COL11A1: variants seen among roughly 807,000 people sequenced by gnomAD.
COL11A1 encodes collagen type XI alpha 1 chain, also known as collagen alpha-1(XI) chain.
COL11A1 carries 74 observed loss-of-function variants against 265.2 expected under a neutral mutation model. The observed-to-expected ratio is 0.28, with a 90% CI of 0.23 to 0.34. The LOEUF is 0.34. Among genes scored for constraint, COL11A1 ranks in the 10% least tolerant of loss-of-function variants. The probability of loss-of-function intolerance (pLI) is 1.00; values close to 1 mark genes in which losing one functional copy is unlikely to be tolerated. For synonymous variants in COL11A1, 816 were observed against 727.6 expected (o/e 1.12, Z -1.96); for missense variants, 2,165 against 2,263.6 (o/e 0.96, Z 0.88).
intron 31 of COL11A1, among the ~76,000 whole-genome samples, chr1:102,979,902 A>G (rs761911916): frequency 3.3e-5 from 5 of 152,148 alleles, no homozygotes; most frequent in Non-Finnish European, 7.4e-5. Flanking sequence ...GAGTATTTTT[A>G]CACTTTTAAA....
chr1:102,904,305 T>C (rs1460660583), intron 54 of COL11A1, among the ~76,000 whole-genome samples: 1 of 152,150 alleles, frequency 6.6e-6, no homozygotes, highest in African/African-American at 2.4e-5. Context: ...ATTCAGGACA[T>C]AGGCATGGGC....
chr1:103,001,681 A>G (rs1665120072), intron 24 of COL11A1: 5 of 560,164 alleles, frequency 8.9e-6, no homozygotes, highest in African/African-American at 1.9e-5. Flanking sequence ...CCTGAAATTA[A>G]CATAGCTGAG....
chr1:103,083,067 C>T (rs2102325308), intron 1 of COL11A1, 95 bp from the exon 2 acceptor site: 1 of 1,223,544 alleles, frequency 8.2e-7, no homozygotes, highest in Non-Finnish European at 1.2e-6. Flanking sequence ...CATTTCATAC[C>T]TTGAATCTAT....
rs181551026 is a variant in COL11A1, at chr1:102,974,758, A to G, written c.2808+72T>C. ...CAATATTATATCTAACAAATATATAAATGTAAGCTGTGACTCTCAAAAATG... is the reference window on the plus strand; with the variant it reads ...CAATATTATATCTAACAAATATATAGATGTAAGCTGTGACTCTCAAAAATG... On this transcript the variant is annotated intron_variant, in intron 36 of 66. Coordinates refer to ENST00000370096, the MANE Select transcript of COL11A1 (RefSeq NM_001854.4). 6.0e-4 allele frequency: 680 copies of G among 1,131,074 alleles called. 4 individuals are homozygous for G. The African/African-American group carries it at 6.2e-3, about 10-fold the overall frequency. 70.1% of individuals were successfully genotyped at this position (1,131,074 alleles called of 1,614,324 possible). A position where few individuals can be genotyped will look rare whatever the true frequency, so the allele number is the denominator to read the frequency against.
intron 42 of COL11A1, among the ~76,000 whole-genome samples, chr1:102,943,764 T>C (rs1201071468): frequency 6.6e-6 from 1 of 152,146 alleles, no homozygotes; most frequent in South Asian, 2.1e-4. Flanking sequence ...CAAACTGCTA[T>C]TGCCTAATTC....
rs763586671 is a variant in COL11A1 at position 103,082,842 on chromosome 1, T to C, written c.237A>G (p.Gln79=). 1.9e-6 allele frequency: 3 copies of C among 1,613,746 alleles called. No homozygotes were observed. The highest frequency in any genetic ancestry group is 2.5e-6 in the Non-Finnish European group (3 of 1,179,736). The change falls in exon 2 of 67, where the codon CAA becomes CAG. Residue 79 remains glutamine, a synonymous_variant. Coordinates refer to ENST00000370096, the MANE Select transcript of COL11A1 (RefSeq NM_001854.4). Reference sequence around the variant, plus strand: ...GTTTTGTTGGGGCACTGAGTTGTGCTTGCTTTGAAACTCTGTAAGCAGTAT... The same window carrying C: ...GTTTTGTTGGGGCACTGAGTTGTGCCTGCTTTGAAACTCTGTAAGCAGTAT... ...GSDTAYRVSK[Q]AQLSAPTKQL...
At chr1:103,037,765 T>C (rs1399238040) in intron 4 of COL11A1, among the ~76,000 whole-genome samples, 3 of 152,182 alleles carry the variant, frequency 2.0e-5, no homozygotes, top group Admixed American at 2.0e-4. Flanking sequence ...ATCTAAACTT[T>C]TAATATTAAC....
At chr1:103,003,127 T>C (rs1175217002) in intron 21 of COL11A1, 88 bp downstream of exon 21, 4 of 1,325,330 alleles carry the variant, frequency 3.0e-6, no homozygotes, top group Non-Finnish European at 4.3e-6. Flanking sequence ...AATAAACTCT[T>C]GGCTCTCTAC....
chr1:103,098,902 A>T (rs1674006536), intron 1 of COL11A1, among the ~76,000 whole-genome samples: 1 of 151,794 alleles, frequency 6.6e-6, no homozygotes, highest in African/African-American at 2.4e-5. Context: ...CAAAATAGAG[A>T]CTGATAGTCT....
chr1:102,913,734 C>T (rs1654978258), intron 52 of COL11A1, 44 bp from the exon 53 acceptor site: 3 of 1,534,218 alleles, frequency 2.0e-6, no homozygotes, highest in African/African-American at 1.4e-5. Context: ...ATCTCAGTAT[C>T]AATAAATCAC....
intron 60 of COL11A1, 45 bp downstream of exon 60, chr1:102,888,821 T>A: frequency 6.2e-7 from 1 of 1,612,818 alleles, no homozygotes; most frequent in Non-Finnish European, 8.5e-7. Flanking sequence ...CTGTTATATT[T>A]GTAACTTAAC....
At chr1:103,016,574 C>A (rs934112491) in intron 11 of COL11A1, among the ~76,000 whole-genome samples, 1 of 151,636 alleles carries the variant, frequency 6.6e-6, no homozygotes, top group African/African-American at 2.4e-5. Flanking sequence ...CAAGTAAATT[C>A]AAAAATTAAT....
At chr1:102,903,299 C>T (rs987875807) in intron 54 of COL11A1, among the ~76,000 whole-genome samples, 8 of 152,214 alleles carry the variant, frequency 5.3e-5, no homozygotes, top group East Asian at 3.9e-4. Flanking sequence ...TTTTCTTTCT[C>T]AGTATCACTG....
intron 49 of COL11A1, among the ~76,000 whole-genome samples, chr1:102,918,218 T>A (rs571594532): frequency 2.2e-4 from 33 of 151,768 alleles, no homozygotes; most frequent in Non-Finnish European, 4.1e-4. Context: ...TACCTCATTA[T>A]ATAAAGCACT....
chr1:102,933,776 C>G (rs551222044), intron 46 of COL11A1, among the ~76,000 whole-genome samples: 1 of 152,106 alleles, frequency 6.6e-6, no homozygotes, highest in Non-Finnish European at 1.5e-5. Flanking sequence ...AGCCAGGTGC[C>G]GGATATAATC....
At chr1:102,958,079 C>T (rs1312779876) in intron 41 of COL11A1, among the ~76,000 whole-genome samples, 1 of 152,000 alleles carries the variant, frequency 6.6e-6, no homozygotes. Flanking sequence ...CTTGCACTTA[C>T]AATTATTTGG....
intron 57 of COL11A1, among the ~76,000 whole-genome samples, chr1:102,891,020 T>A (rs1358665896): frequency 6.6e-6 from 1 of 152,234 alleles, no homozygotes; most frequent in East Asian, 1.9e-4. Flanking sequence ...TATGTTAGAA[T>A]GGTTGCCTAA....
intron 46 of COL11A1, among the ~76,000 whole-genome samples, chr1:102,929,404 A>G (rs1570759853): frequency 6.6e-6 from 1 of 152,024 alleles, no homozygotes; most frequent in Admixed American, 6.5e-5. Flanking sequence ...ATAGTTGTAG[A>G]TATGCGGCAT....
intron 28 of COL11A1, among the ~76,000 whole-genome samples, chr1:102,994,692 T>G (rs551103665): frequency 2.0e-5 from 3 of 152,230 alleles, no homozygotes; most frequent in Admixed American, 2.0e-4. Flanking sequence ...CTACCAATAT[T>G]TATGCTATGC....
Sources: allele counts gnomAD v4.1 joint callset (sites outside exome capture counted in the v4.1 genomes callset), GRCh38; gene constraint gnomAD v4.1.1; transcripts MANE v1.5; gene names NCBI Gene and HGNC (gene_info 2026-07-23, HGNC 2026-07-21).